Variants in LRIG1 observed in about 807,000 individuals in gnomAD.
LRIG1 encodes leucine-rich repeats and immunoglobulin-like domains protein 1.
A neutral mutation model predicts 99.2 loss-of-function variants in LRIG1; 48 were observed. The observed-to-expected ratio is 0.48, with a 90% CI of 0.38 to 0.62. The LOEUF is 0.62. LRIG1 is among the 20% of genes least tolerant of loss of function. The probability of loss-of-function intolerance (pLI) is 0.00; values close to 1 mark genes in which losing one functional copy is unlikely to be tolerated. For missense variants in LRIG1, 1,646 were observed against 1,434.4 expected, an observed-to-expected ratio of 1.15 and a Z score of -2.38; for synonymous variants, 772 against 596.1, an observed-to-expected ratio of 1.29 and a Z score of -4.30.
intron 1 of LRIG1, among the ~76,000 whole-genome samples, chr3:66,497,104 T>A (rs554650246): frequency 9.8e-5 from 15 of 152,368 alleles, no homozygotes; most frequent in Middle Eastern, 3.4e-3. Context: ...GTATACACTT[T>A]TGTGAATATC....
In LRIG1 at chr3:66,500,301, C is replaced by T; in HGVS notation, c.107G>A (p.Gly36Asp). Residue 36 changes from glycine to aspartate, a missense_variant, in exon 1 of 19, where the codon GGC becomes GAC. Gly to Asp is a moderately conservative substitution (Grantham distance 94). Coordinates refer to ENST00000273261, the MANE Select transcript of LRIG1 (RefSeq NM_015541.3). ...LRLEPVTAAA[G>D]PRAPCAAACT... ...GGCGGCCGCGCAGGGCGCCCGCGGG[C>T]CGGCCGCGGCGGTCACCGGCTCCAG... 2 of 1,472,004 alleles carry T rather than the reference C, an allele frequency of 1.4e-6. No homozygotes were observed. Among genetic ancestry groups the T allele is most frequent in the Admixed American group, 2.5e-5 (1 of 40,154 alleles). The allele number at this position is 1,472,004 out of a possible 1,614,324, so 91.2% of individuals were successfully genotyped here. A position where few individuals can be genotyped will look rare whatever the true frequency, so the allele number is the denominator to read the frequency against.
chr3:66,471,865 T>A (rs946066896), intron 1 of LRIG1, among the ~76,000 whole-genome samples: 10 of 152,202 alleles, frequency 6.6e-5, no homozygotes, highest in African/African-American at 2.2e-4. Flanking sequence ...ATTACTGTTT[T>A]CCTTTCCTAA....
intron 2 of LRIG1, among the ~76,000 whole-genome samples, chr3:66,457,036 G>A (rs953649662): frequency 1.3e-5 from 2 of 152,100 alleles, no homozygotes; most frequent in African/African-American, 2.4e-5. Context: ...CAGGGGCCTC[G>A]CCTTCTCTCT....
intron 13 of LRIG1, among the ~76,000 whole-genome samples, chr3:66,384,991 G>C (rs1026853691): frequency 1.3e-5 from 2 of 152,200 alleles, no homozygotes; most frequent in African/African-American, 4.8e-5. Flanking sequence ...GGTAAAGAAG[G>C]TGTTTCGCTG....
At chr3:66,422,327 C>T (rs1327629802) in intron 3 of LRIG1, among the ~76,000 whole-genome samples, 1 of 152,192 alleles carries the variant, frequency 6.6e-6, no homozygotes, top group African/African-American at 2.4e-5. Flanking sequence ...TTCTGTTTCC[C>T]TTTTGAAACT....
At chr3:66,407,609 G>A (rs1702317803) in intron 7 of LRIG1, 118 bp from the exon 8 acceptor site, 7 of 1,063,422 alleles carry the variant, frequency 6.6e-6, no homozygotes, top group Admixed American at 2.2e-5. Context: ...AGATGCACAC[G>A]CACGCGCGTG....
At chr3:66,495,237 G>T (rs1701199703) in intron 1 of LRIG1, among the ~76,000 whole-genome samples, 1 of 152,186 alleles carries the variant, frequency 6.6e-6, no homozygotes, top group Admixed American at 6.5e-5. Context: ...AAACACTGGA[G>T]ATTTTTAGAT....
At chr3:66,418,077 GTTT>G (rs141622151) in intron 3 of LRIG1, among the ~76,000 whole-genome samples, 1 of 148,162 alleles carries the variant, frequency 6.7e-6, no homozygotes, top group African/African-American at 2.5e-5. Context: ...TGTAACTTGT[GTTT>G]TTTTTTTGTT....
intron 8 of LRIG1, among the ~76,000 whole-genome samples, chr3:66,406,586 G>C (rs889292784): frequency 2.0e-5 from 3 of 152,194 alleles, no homozygotes; most frequent in Admixed American, 1.3e-4. Context: ...CTGAGAAGGA[G>C]ACCCTAGAAC....
At chr3:66,452,415 A>G (rs1018091160) in intron 2 of LRIG1, among the ~76,000 whole-genome samples, 10 of 152,192 alleles carry the variant, frequency 6.6e-5, no homozygotes, top group Non-Finnish European at 1.0e-4. Flanking sequence ...GCCTCCTTAC[A>G]TGGACATGTA....
At chr3:66,479,642 G>C (rs878933789) in intron 1 of LRIG1, among the ~76,000 whole-genome samples, 1 of 152,182 alleles carries the variant, frequency 6.6e-6, no homozygotes. Flanking sequence ...AAACTGAATA[G>C]ACATTTCTCC....
At chr3:66,448,092 T>C (rs1575699947) in intron 3 of LRIG1, among the ~76,000 whole-genome samples, 1 of 152,224 alleles carries the variant, frequency 6.6e-6, no homozygotes, top group African/African-American at 2.4e-5. Context: ...CAGAACACAA[T>C]GCAAATAAAT....
intron 3 of LRIG1, among the ~76,000 whole-genome samples, chr3:66,434,786 A>G (rs1703296206): frequency 6.6e-6 from 1 of 151,824 alleles, no homozygotes; most frequent in African/African-American, 2.4e-5. Flanking sequence ...ACACCACCAA[A>G]TGCTGGCCAT....
chr3:66,417,741 A>T (rs559960431), intron 3 of LRIG1: 149 of 153,242 alleles, frequency 9.7e-4, no homozygotes, highest in Non-Finnish European at 1.7e-3. Context: ...CACACCTCAC[A>T]TTTTACCAAC....
intron 3 of LRIG1, among the ~76,000 whole-genome samples, chr3:66,433,273 C>T (rs928385934): frequency 5.3e-5 from 8 of 152,234 alleles, no homozygotes; most frequent in African/African-American, 1.9e-4. Flanking sequence ...CATAGGTATC[C>T]TCTGACTCCA....
intron 3 of LRIG1, among the ~76,000 whole-genome samples, chr3:66,425,016 A>T (rs912768880): frequency 4.6e-5 from 7 of 152,190 alleles, no homozygotes; most frequent in African/African-American, 1.7e-4. Flanking sequence ...GATATTTTCA[A>T]CTTAGGATGG....
At position 66,453,491 on chromosome 3, in the gene LRIG1, CAA is replaced by C. The variant is rs1703974441; in HGVS notation, c.291-1860_291-1859del. Among the ~76,000 whole-genome samples, 9 of 152,330 alleles carry C rather than the reference CAA, an allele frequency of 5.9e-5. No homozygotes were observed. The South Asian group carries it at 1.9e-3, about 32-fold the overall frequency. ...TGCAGTGGCCCAGGGTGCCTAGCCC[CAA>C]AGTCTAGGTTTTTCCTCATTACCTT... On this transcript the variant is annotated intron_variant, in intron 2 of 18. Transcript: ENST00000273261.
At chr3:66,408,481 T>C (rs1702353568) in intron 7 of LRIG1, among the ~76,000 whole-genome samples, 1 of 152,178 alleles carries the variant, frequency 6.6e-6, no homozygotes, top group African/African-American at 2.4e-5. Flanking sequence ...TCTGTGATCT[T>C]TGCTGCCCCT....
intron 2 of LRIG1, 107 bp from the exon 3 acceptor site, chr3:66,451,740 TA>T: frequency 6.5e-6 from 5 of 766,288 alleles, no homozygotes; most frequent in Non-Finnish European, 1.1e-5. Context: ...ACAGTAAACC[TA>T]TATTCTAATG....
Sources: gnomAD v4.1 joint callset for allele counts (sites outside exome capture counted in the v4.1 genomes callset) on GRCh38, gnomAD v4.1.1 for gene constraint, MANE v1.5 for transcripts, NCBI Gene and HGNC (gene_info 2026-07-23, HGNC 2026-07-21) for gene names.